The following RYR3 variants were observed in gnomAD, a reference collection of about 807,000 sequenced individuals.
The protein encoded by RYR3 is ryanodine receptor 3.
Under a neutral mutation model 584.3 loss-of-function variants are expected in RYR3, and 207 were observed. That is an observed-to-expected ratio of 0.35 (90% CI 0.32 to 0.40). The LOEUF (loss-of-function observed/expected upper bound fraction) is 0.40, where lower values mean the gene tolerates loss of function less well. Ranked by LOEUF, RYR3 falls within the 10% of genes least tolerant of loss-of-function variation. The pLI is 1.00. For missense variants in RYR3, 5,616 were observed against 6,089.2 expected (o/e 0.92, Z 2.59); for synonymous variants, 2,416 against 2,248.5 (o/e 1.07, Z -2.11).
At chr15:33,791,394 GGA>G (rs145013622) in intron 67 of RYR3, among the ~76,000 whole-genome samples, 9 of 151,770 alleles carry the variant, frequency 5.9e-5, no homozygotes, top group Admixed American at 5.9e-4. Flanking sequence ...CCCTACATTC[GGA>G]GAGAGAGAGG....
intron 12 of RYR3, 37 bp downstream of exon 12, chr15:33,566,836 T>C (rs754075890): frequency 2.5e-6 from 4 of 1,612,168 alleles, no homozygotes; most frequent in Non-Finnish European, 3.4e-6. Context: ...CTAGTGAGTT[T>C]GACTCTGTGG....
At chr15:33,575,583 T>C (rs556188084) in intron 12 of RYR3, among the ~76,000 whole-genome samples, 2 of 152,172 alleles carry the variant, frequency 1.3e-5, no homozygotes, top group East Asian at 3.9e-4. Context: ...AAAGAGACAA[T>C]GTACCAGAAT....
chr15:33,404,651 A>G (rs982630841), intron 1 of RYR3, among the ~76,000 whole-genome samples: 2 of 151,280 alleles, frequency 1.3e-5, no homozygotes, highest in Admixed American at 6.6e-5. Flanking sequence ...TTCAAAGTAT[A>G]CAAGTCGAGA....
At position 33,585,201 on chromosome 15, in the gene RYR3, C is replaced by T. The variant is rs536806791; in HGVS notation, c.1669+711C>T. ...CAAGAGAGGTTCCCCCAAGGATCAT[C>T]CACCTACACACGTCTTCCTAAGCCT... On this transcript the variant is annotated intron_variant, in intron 15 of 103. Transcript: ENST00000634891. 2.0e-5 allele frequency among the ~76,000 whole-genome samples: 3 copies of T among 152,190 alleles called. No individual in the cohort carries two copies. The South Asian group carries it at 6.2e-4, about 32-fold the overall frequency.
intron 70 of RYR3, chr15:33,807,857 A>G: frequency 2.1e-6 from 1 of 472,972 alleles, no homozygotes; most frequent in East Asian, 3.7e-5. Flanking sequence ...CCACCACACT[A>G]ACAGAGATAG....
intron 38 of RYR3, among the ~76,000 whole-genome samples, chr15:33,686,072 A>G (rs1262661152): frequency 6.6e-6 from 1 of 152,228 alleles, no homozygotes; most frequent in Admixed American, 6.5e-5. Flanking sequence ...AGCTAGCAGA[A>G]GGCAAGAAAT....
chr15:33,847,724 C>A (rs1029070280), intron 93 of RYR3: 2 of 152,332 alleles, frequency 1.3e-5, no homozygotes, highest in African/African-American at 4.8e-5. Context: ...TATGCCACTA[C>A]CTGGAAGGAG....
Position 33,748,179 on chromosome 15 carries a change from T to C in RYR3, c.8055T>C (p.Thr2685=). ...AAACCATGCTGGCTGTGGGCTGGAC[T>C]GTGGAGAGGACCAAAGAGGGAGAAG... is the stretch of plus-strand genomic sequence containing the variant. ...SLKTMLAVGW[T]VERTKEGEAL... Residue 2685 remains threonine (T), a synonymous_variant, in exon 54 of 104, where the codon ACT becomes ACC. Coordinates refer to ENST00000634891, the MANE Select transcript of RYR3 (RefSeq NM_001036.6). 1 of 1,613,900 alleles carries C rather than the reference T, an allele frequency of 6.2e-7. No individual in the cohort carries two copies. The highest frequency in any genetic ancestry group is 8.5e-7 in the Non-Finnish European group (1 of 1,179,818).
intron 1 of RYR3, among the ~76,000 whole-genome samples, chr15:33,405,286 C>T (rs1367127629): frequency 6.6e-6 from 1 of 152,150 alleles, no homozygotes; most frequent in African/African-American, 2.4e-5. Context: ...TAAACCACTC[C>T]TGATTCACTT....
chr15:33,788,752 C>T (rs1303568618), intron 67 of RYR3, among the ~76,000 whole-genome samples: 1 of 152,196 alleles, frequency 6.6e-6, no homozygotes, highest in Non-Finnish European at 1.5e-5. Flanking sequence ...ACTTCTGCCC[C>T]TCTGCTGTTC....
chr15:33,700,293 G>T (rs972292320), intron 41 of RYR3, among the ~76,000 whole-genome samples: 19 of 152,178 alleles, frequency 1.2e-4, no homozygotes, highest in Non-Finnish European at 2.2e-4. Flanking sequence ...TCCTTAGCGG[G>T]GAGGCAGACT....
chr15:33,809,661 A>G (rs1412168367), intron 70 of RYR3, among the ~76,000 whole-genome samples: 3 of 141,124 alleles, frequency 2.1e-5, no homozygotes, highest in African/African-American at 8.1e-5. Context: ...GTTGAGGCCG[A>G]GTCTTGCTCT....
chr15:33,850,373 C>T (rs2152994197), intron 94 of RYR3: 1 of 147,252 alleles, frequency 6.8e-6, no homozygotes, highest in Non-Finnish European at 1.5e-5. Flanking sequence ...CAGAGCAAGA[C>T]TTCATCTCAA....
intron 1 of RYR3, among the ~76,000 whole-genome samples, chr15:33,358,342 C>G (rs2596182): frequency 0.88 from 134,056 of 152,252 alleles, 59,253 homozygotes; most frequent in East Asian, 0.97. Flanking sequence ...AGTCTATCAA[C>G]AATAAGTGAA....
At chr15:33,439,507 A>G (rs528507303) in intron 1 of RYR3, among the ~76,000 whole-genome samples, 55 of 152,284 alleles carry the variant, frequency 3.6e-4, no homozygotes, top group Non-Finnish European at 6.6e-4. Flanking sequence ...TTTAAAATTG[A>G]TGCTCATAAA....
chr15:33,659,960 T>A (rs1200279767), intron 33 of RYR3, among the ~76,000 whole-genome samples, 154 bp downstream of exon 33: 1 of 152,224 alleles, frequency 6.6e-6, no homozygotes, highest in East Asian at 1.9e-4. Flanking sequence ...GGCATTCAGA[T>A]GGTAGAATAT....
At chr15:33,425,559 C>A (rs888351002) in intron 1 of RYR3, among the ~76,000 whole-genome samples, 11 of 152,006 alleles carry the variant, frequency 7.2e-5, no homozygotes, top group Non-Finnish European at 1.5e-5. Flanking sequence ...ACAAAATAAC[C>A]CTGTGTTGTC....
In RYR3 at chr15:33,603,287, G is replaced by A. The variant is rs2059760948; in HGVS notation, c.2087G>A (p.Gly696Asp). ...SSSGYAPYPG[G>D]GEGWGGNGVG... ...TCAGGCTATGCCCCATACCCAGGAGGTGGAGAAGGATGGGGAGGCAATGGT... is the reference window on the plus strand; with the variant it reads ...TCAGGCTATGCCCCATACCCAGGAGATGGAGAAGGATGGGGAGGCAATGGT... The change falls in exon 18 of 104, where the codon GGT (glycine) becomes GAT (aspartate). Residue 696 changes from glycine to aspartate, a missense_variant. Physicochemically the swap from Gly to Asp is moderately conservative, Grantham distance 94. Coordinates refer to ENST00000634891, the MANE Select transcript of RYR3 (RefSeq NM_001036.6). The A allele has an allele frequency of 1.2e-6, 2 of 1,613,708 alleles. No homozygotes were observed. The highest frequency in any genetic ancestry group is 1.7e-6 in the Non-Finnish European group (2 of 1,179,806).
At chr15:33,858,225 A>G (rs1399731311) in intron 99 of RYR3, 3 of 269,790 alleles carry the variant, frequency 1.1e-5, no homozygotes, top group Non-Finnish European at 2.1e-5. Flanking sequence ...TTTTTTTGAG[A>G]TGGAGTTTTG....
Sources: allele counts gnomAD v4.1 joint callset (sites outside exome capture counted in the v4.1 genomes callset), GRCh38; gene constraint gnomAD v4.1.1; transcripts MANE v1.5; gene names NCBI Gene and HGNC (gene_info 2026-07-23, HGNC 2026-07-21).